ARHGAP26: variants seen among roughly 807,000 people sequenced by gnomAD.
ARHGAP26 encodes rho GTPase-activating protein 26.
ARHGAP26 carries 38 observed loss-of-function variants against 104.8 expected under a neutral mutation model. The ratio of observed to expected loss-of-function variants is 0.36; its 90% CI spans 0.28 to 0.48. The LOEUF is 0.48. Among genes scored for constraint, ARHGAP26 ranks in the 20% least tolerant of loss-of-function variants. ARHGAP26 has a pLI of 0.99. For synonymous variants in ARHGAP26, 341 were observed against 340.0 expected (o/e 1.00, Z -0.03); for missense variants, 704 against 947.9 (o/e 0.74, Z 3.38).
chr5:142,927,803 C>T (rs1036324951), intron 10 of ARHGAP26, among the ~76,000 whole-genome samples: 1 of 152,204 alleles, frequency 6.6e-6, no homozygotes, highest in Non-Finnish European at 1.5e-5. Context: ...GTCCCAGTTA[C>T]TCTACATTTT....
chr5:142,875,626 TA>T (rs1243069562), intron 3 of ARHGAP26, among the ~76,000 whole-genome samples: 12 of 152,170 alleles, frequency 7.9e-5, no homozygotes, highest in African/African-American at 2.9e-4. Flanking sequence ...AGGGACCCAG[TA>T]AACAGGTACT....
At chr5:142,835,049 T>C (rs1769280271) in intron 1 of ARHGAP26, among the ~76,000 whole-genome samples, 1 of 152,208 alleles carries the variant, frequency 6.6e-6, no homozygotes, top group African/African-American at 2.4e-5. Context: ...TAGTAGGGGA[T>C]GTATTGTCTC....
At chr5:143,085,420 G>T (rs1355364711) in intron 17 of ARHGAP26, among the ~76,000 whole-genome samples, 1 of 151,992 alleles carries the variant, frequency 6.6e-6, no homozygotes, top group Non-Finnish European at 1.5e-5. Context: ...AAAAAGAGGG[G>T]GACAAGAGGG....
chr5:142,931,016 C>G (rs768179487), intron 10 of ARHGAP26, among the ~76,000 whole-genome samples: 2 of 152,154 alleles, frequency 1.3e-5, no homozygotes, highest in Non-Finnish European at 2.9e-5. Context: ...TGTTTGTGTA[C>G]TCAGACAGGA....
intron 11 of ARHGAP26, among the ~76,000 whole-genome samples, chr5:142,964,731 A>C (rs1048168434): frequency 6.6e-6 from 1 of 152,192 alleles, no homozygotes; most frequent in African/African-American, 2.4e-5. Flanking sequence ...CCTGACATGC[A>C]TTTCTGGATC....
At position 142,798,510 on chromosome 5, in the gene ARHGAP26, G is replaced by A. The variant is rs1470337546; in HGVS notation, c.154+27595G>A. ...GAGAAACAGGCTTGGTTGGGGCATGGTGGGATATTGTGCTCTGACTGTGCT... is the reference window on the plus strand; with the variant it reads ...GAGAAACAGGCTTGGTTGGGGCATGATGGGATATTGTGCTCTGACTGTGCT... On this transcript the variant is annotated intron_variant, in intron 1 of 22. Transcript: ENST00000645722. 2.0e-5 allele frequency among the ~76,000 whole-genome samples: 3 copies of A among 152,200 alleles called. No individual in the cohort carries two copies. The East Asian group carries it at 5.8e-4, about 29-fold the overall frequency.
At chr5:143,068,935 A>G (rs1787884379) in intron 17 of ARHGAP26, among the ~76,000 whole-genome samples, 1 of 152,196 alleles carries the variant, frequency 6.6e-6, no homozygotes. Context: ...GATTTAACAC[A>G]GATTCCCACT....
At chr5:142,806,988 C>T (rs146194800) in intron 1 of ARHGAP26, among the ~76,000 whole-genome samples, 200 of 152,298 alleles carry the variant, frequency 1.3e-3, no homozygotes, top group African/African-American at 4.5e-3. Flanking sequence ...GAAGGGAGCC[C>T]TCAGGCTTGC....
At chr5:143,053,280 C>G (rs1404308413) in intron 14 of ARHGAP26, among the ~76,000 whole-genome samples, 1 of 152,136 alleles carries the variant, frequency 6.6e-6, no homozygotes, top group African/African-American at 2.4e-5. Context: ...GCCAGTCTGT[C>G]CTGAATCTCA....
intron 11 of ARHGAP26, among the ~76,000 whole-genome samples, chr5:143,011,523 C>G (rs1010652886): frequency 6.6e-6 from 1 of 152,106 alleles, no homozygotes. Context: ...GATAAGTAAA[C>G]GAATTGCAAG....
At chr5:142,912,723 A>T (rs549820160) in intron 9 of ARHGAP26, among the ~76,000 whole-genome samples, 1 of 152,262 alleles carries the variant, frequency 6.6e-6, no homozygotes, top group African/African-American at 2.4e-5. Context: ...CATCACCTAT[A>T]TCAATGCGCA....
chr5:142,972,323 T>A (rs1163775501), intron 11 of ARHGAP26, among the ~76,000 whole-genome samples: 1 of 152,206 alleles, frequency 6.6e-6, no homozygotes, highest in African/African-American at 2.4e-5. Context: ...TTTAAGATGC[T>A]TCTTTGCTCA....
At chr5:143,042,715 G>A (rs756696699) in intron 14 of ARHGAP26, among the ~76,000 whole-genome samples, 2 of 152,224 alleles carry the variant, frequency 1.3e-5, no homozygotes, top group Non-Finnish European at 2.9e-5. Flanking sequence ...TCTTGTGTTA[G>A]TATTTGTAAT....
intron 9 of ARHGAP26, among the ~76,000 whole-genome samples, chr5:142,911,249 C>T (rs1400893519): frequency 6.6e-6 from 1 of 152,160 alleles, no homozygotes; most frequent in Non-Finnish European, 1.5e-5. Flanking sequence ...TCTCAGGATA[C>T]AAACGAGAAT....
Position 143,223,772 on chromosome 5 carries a change from G to C in ARHGAP26, c.*1326G>C. Reference sequence around the variant, plus strand: ...CATTGTGATTCAGGAAGAAACCCAAGGTTGGAGGGTGGGATGAGTACCCTC... The same window carrying C: ...CATTGTGATTCAGGAAGAAACCCAACGTTGGAGGGTGGGATGAGTACCCTC... On this transcript the variant is annotated 3_prime_UTR_variant, in exon 23 of 23. Coordinates refer to ENST00000645722, the MANE Select transcript of ARHGAP26 (RefSeq NM_001135608.3). The C allele has an allele frequency of 4.3e-6, 1 of 232,354 alleles. No homozygotes were observed. Among genetic ancestry groups the C allele is most frequent in the Non-Finnish European group, 8.5e-6 (1 of 117,192 alleles). The allele number at this position is 232,354 out of a possible 1,614,324, so 14.4% of individuals were successfully genotyped here.
At chr5:142,830,884 C>A (rs1236869537) in intron 1 of ARHGAP26, among the ~76,000 whole-genome samples, 1 of 152,192 alleles carries the variant, frequency 6.6e-6, no homozygotes, top group Admixed American at 6.5e-5. Context: ...TGCCTGCTCT[C>A]AAATCTCCAT....
intron 17 of ARHGAP26, among the ~76,000 whole-genome samples, chr5:143,081,143 G>A (rs1403802460): frequency 1.3e-5 from 2 of 152,110 alleles, no homozygotes; most frequent in Non-Finnish European, 2.9e-5. Flanking sequence ...TCTACTGAGA[G>A]CTCTCAGCAT....
At chr5:142,994,078 G>A (rs548904342) in intron 11 of ARHGAP26, among the ~76,000 whole-genome samples, 1 of 152,324 alleles carries the variant, frequency 6.6e-6, no homozygotes, top group African/African-American at 2.4e-5. Context: ...AGGCCCTCTG[G>A]TCTACCAGGA....
intron 20 of ARHGAP26, chr5:143,202,916 A>C (rs1807987603): frequency 6.6e-6 from 1 of 152,230 alleles, no homozygotes; most frequent in South Asian, 2.1e-4. Context: ...ATTTTATACA[A>C]AAATTAGCTC....
Sources: allele counts gnomAD v4.1 joint callset (sites outside exome capture counted in the v4.1 genomes callset), GRCh38; gene constraint gnomAD v4.1.1; transcripts MANE v1.5; gene names NCBI Gene and HGNC (gene_info 2026-07-23, HGNC 2026-07-21).